Variants in TBC1D32 observed in about 807,000 individuals in gnomAD.
TBC1D32 encodes the protein TBC1 domain family member 32.
In TBC1D32, 151 loss-of-function variants were observed where a neutral mutation model predicts 170.3. The ratio of observed to expected loss-of-function variants is 0.89; its 90% CI spans 0.78 to 1.01. The LOEUF is 1.01. Among genes scored for constraint, TBC1D32 ranks in the 50% least tolerant of loss-of-function variants. The pLI, the probability that TBC1D32 is intolerant of heterozygous loss-of-function variation, is 0.00. For synonymous variants in TBC1D32, 498 were observed against 488.0 expected, an observed-to-expected ratio of 1.02 and a Z score of -0.27; for missense variants, 1,464 against 1,457.1, an observed-to-expected ratio of 1.00 and a Z score of -0.08.
At chr6:121,124,605 T>A (rs140209188) in intron 26 of TBC1D32, among the ~76,000 whole-genome samples, 1 of 152,152 alleles carries the variant, frequency 6.6e-6, no homozygotes, top group Non-Finnish European at 1.5e-5. Flanking sequence ...TTATTTTTCC[T>A]GGAATAAACT....
intron 22 of TBC1D32, among the ~76,000 whole-genome samples, chr6:121,184,415 T>C (rs944473930): frequency 6.6e-6 from 1 of 151,828 alleles, no homozygotes; most frequent in Non-Finnish European, 1.5e-5. Context: ...GTAAAATGCA[T>C]GACAAATTGC....
chr6:121,161,044 A>T lies in TBC1D32; in HGVS notation c.2583T>A (p.Ile861=), dbSNP rs1785561035. Residue 861 remains isoleucine (I), a synonymous_variant, in exon 23 of 32, where the codon ATT becomes ATA. Transcript: ENST00000398212. ...GATTTCTCTCCACTGATAAGCCATC[A>T]ATTATAAAGTCCCTGAAAAAATAAA... ...SHIFGLRDFI[I]DGLSVERNHV... The T allele has an allele frequency of 6.2e-7, 1 of 1,610,428 alleles. No individual in the cohort carries two copies. The highest frequency in any genetic ancestry group is 8.5e-7 in the Non-Finnish European group (1 of 1,178,234).
chr6:121,112,665 A>C lies in TBC1D32; in HGVS notation c.3170-6T>G. 6.4e-7 allele frequency: 1 copy of C among 1,554,136 alleles called. No individual in the cohort carries two copies. Among genetic ancestry groups the C allele is most frequent in the Non-Finnish European group, 8.7e-7 (1 of 1,155,302 alleles). ...ATAATTCCCTTGCAGGCAGACTGAA[A>C]AACACAGTTAAGAAAACTTTACAAT... is the stretch of plus-strand genomic sequence containing the variant. On this transcript the variant is annotated splice_region_variant and splice_polypyrimidine_tract_variant and intron_variant, in intron 28 of 31. Coordinates refer to ENST00000398212, the MANE Select transcript of TBC1D32 (RefSeq NM_152730.6).
chr6:121,186,204 G>C (rs1789188131), intron 22 of TBC1D32, among the ~76,000 whole-genome samples: 1 of 152,070 alleles, frequency 6.6e-6, no homozygotes, highest in Non-Finnish European at 1.5e-5. Flanking sequence ...CAATAGCAGA[G>C]TAAATTAACT....
intron 22 of TBC1D32, chr6:121,170,356 C>A: frequency 1.3e-6 from 2 of 1,503,078 alleles, no homozygotes; most frequent in East Asian, 2.4e-5. Context: ...CTTAACAAAA[C>A]ATCTCTAAAG....
intron 21 of TBC1D32, among the ~76,000 whole-genome samples, chr6:121,213,796 T>C (rs1793462843): frequency 6.6e-6 from 1 of 152,022 alleles, no homozygotes; most frequent in African/African-American, 2.4e-5. Flanking sequence ...AAAAACTATT[T>C]GAAAATTCAT....
chr6:121,139,967 C>T (rs1782588437), intron 24 of TBC1D32: 1 of 152,036 alleles, frequency 6.6e-6, no homozygotes, highest in African/African-American at 2.4e-5. Flanking sequence ...TATAGTAATA[C>T]CTACAAAAGG....
intron 21 of TBC1D32, among the ~76,000 whole-genome samples, chr6:121,217,750 G>T (rs1437894802): frequency 6.6e-6 from 1 of 152,060 alleles, no homozygotes; most frequent in Admixed American, 6.6e-5. Context: ...TGTAACATGA[G>T]TTTACCTATA....
At chr6:121,209,719 A>G (rs980123766) in intron 21 of TBC1D32, among the ~76,000 whole-genome samples, 2 of 152,192 alleles carry the variant, frequency 1.3e-5, no homozygotes, top group Non-Finnish European at 2.9e-5. Context: ...TGGCTTCAGA[A>G]TTCAAACTCT....
chr6:121,208,731 A>G (rs994044666), intron 21 of TBC1D32, among the ~76,000 whole-genome samples: 1 of 138,668 alleles, frequency 7.2e-6, no homozygotes, highest in African/African-American at 2.8e-5. Flanking sequence ...AACACCTGGA[A>G]AAAAAAAAAA....
At chr6:121,131,160 A>C (rs1457551286) in intron 25 of TBC1D32, among the ~76,000 whole-genome samples, 1 of 152,040 alleles carries the variant, frequency 6.6e-6, no homozygotes, top group East Asian at 1.9e-4. Flanking sequence ...ACAAATGCGC[A>C]AGTAGATAAC....
intron 15 of TBC1D32, among the ~76,000 whole-genome samples, chr6:121,263,353 C>G (rs2128409898): frequency 6.6e-6 from 1 of 152,234 alleles, no homozygotes; most frequent in Middle Eastern, 3.4e-3. Flanking sequence ...AAGGCCATTA[C>G]ATAATGGTAA....
intron 30 of TBC1D32, among the ~76,000 whole-genome samples, chr6:121,098,332 T>G (rs1777654406): frequency 6.6e-6 from 1 of 151,912 alleles, no homozygotes; most frequent in South Asian, 2.1e-4. Context: ...GACACTATTT[T>G]TAACAACTCC....
At chr6:121,173,190 T>G (rs1255183963) in intron 22 of TBC1D32, among the ~76,000 whole-genome samples, 1 of 152,104 alleles carries the variant, frequency 6.6e-6, no homozygotes, top group African/African-American at 2.4e-5. Flanking sequence ...GTGGAAAGAC[T>G]AGACTGATTT....
rs1046864514 is a variant in TBC1D32 at position 121,184,777 on chromosome 6, A to T, written c.2570+20298T>A. On this transcript the variant is annotated intron_variant, in intron 22 of 31. Coordinates refer to ENST00000398212, the MANE Select transcript of TBC1D32 (RefSeq NM_152730.6). ...GAATCTATGTTCCCTTTGTTAAATA[A>T]CTATTCTTATTTTGTGATCCTCAAT... 4.0e-5 allele frequency among the ~76,000 whole-genome samples: 6 copies of T among 151,686 alleles called. No individual in the cohort carries two copies. The Admixed American group carries it at 4.0e-4, about 10-fold the overall frequency.
rs186207652 is a variant in TBC1D32 at position 121,283,461 on chromosome 6, A to G, written c.1465+357T>C. ...ACAAGTGAGTTGATCAAAACATTTT[A>G]GAAAGTATAAAGAATGGAAAATAAC... is the stretch of plus-strand genomic sequence containing the variant. On this transcript the variant is annotated intron_variant, in intron 13 of 31. Coordinates refer to ENST00000398212, the MANE Select transcript of TBC1D32 (RefSeq NM_152730.6). Among the ~76,000 whole-genome samples, 30 of 151,978 alleles carry G rather than the reference A, an allele frequency of 2.0e-4. No individual in the cohort carries two copies. The East Asian group carries it at 5.4e-3, about 27-fold the overall frequency.
At chr6:121,320,824 T>C (rs1012586906) in intron 2 of TBC1D32, among the ~76,000 whole-genome samples, 1 of 152,188 alleles carries the variant, frequency 6.6e-6, no homozygotes, top group Non-Finnish European at 1.5e-5. Flanking sequence ...GTCATTAATA[T>C]AAGCTCAGGT....
chr6:121,214,097 C>T (rs986057577), intron 21 of TBC1D32, among the ~76,000 whole-genome samples: 1 of 152,166 alleles, frequency 6.6e-6, no homozygotes, highest in African/African-American at 2.4e-5. Context: ...AAAATTGAAA[C>T]TGGACCCCTT....
At chr6:121,279,051 T>C (rs1319751622) in intron 15 of TBC1D32, 70 bp downstream of exon 15, 1 of 1,498,454 alleles carries the variant, frequency 6.7e-7, no homozygotes, top group South Asian at 1.3e-5. Flanking sequence ...TCATTTAATA[T>C]ATTATTAGCA....
Sources: allele counts gnomAD v4.1 joint callset (sites outside exome capture counted in the v4.1 genomes callset), GRCh38; gene constraint gnomAD v4.1.1; transcripts MANE v1.5; gene names NCBI Gene and HGNC (gene_info 2026-07-23, HGNC 2026-07-21).